Variants in SMYD3 observed in about 807,000 individuals in gnomAD.
SMYD3 encodes the protein histone-lysine N-methyltransferase SMYD3.
In SMYD3, 36 loss-of-function variants were observed where a neutral mutation model predicts 57.7. That is an observed-to-expected ratio of 0.62 (90% CI 0.48 to 0.82). SMYD3 has a LOEUF of 0.82. Among genes scored for constraint, SMYD3 ranks in the 40% least tolerant of loss-of-function variants. SMYD3 has a pLI of 0.00. For synonymous variants in SMYD3, 211 were observed against 195.0 expected (o/e 1.08, Z -0.68); for missense variants, 515 against 538.8 (o/e 0.96, Z 0.44).
At chr1:245,972,042 C>G (rs534368751) in intron 5 of SMYD3, among the ~76,000 whole-genome samples, 2 of 152,296 alleles carry the variant, frequency 1.3e-5, no homozygotes, top group South Asian at 2.1e-4. Flanking sequence ...TGATGCCTCA[C>G]TATAACTGAA....
chr1:246,496,193 C>T (rs936244966), intron 1 of SMYD3, among the ~76,000 whole-genome samples: 4 of 151,760 alleles, frequency 2.6e-5, no homozygotes, highest in South Asian at 2.1e-4. Flanking sequence ...CACACCACCA[C>T]GCCCGGCTAA....
intron 9 of SMYD3, among the ~76,000 whole-genome samples, chr1:245,860,792 C>A (rs182150865): frequency 6.6e-6 from 1 of 152,224 alleles, no homozygotes; most frequent in African/African-American, 2.4e-5. Context: ...GGCTAACCTC[C>A]GTGGCTTTTC....
At chr1:246,157,815 C>T (rs1194464786) in intron 5 of SMYD3, among the ~76,000 whole-genome samples, 1 of 152,182 alleles carries the variant, frequency 6.6e-6, no homozygotes, top group Non-Finnish European at 1.5e-5. Flanking sequence ...TCAAGTGCCA[C>T]AGAATCGCAA....
At chr1:246,257,299 C>T (rs2063913340) in intron 5 of SMYD3, among the ~76,000 whole-genome samples, 1 of 152,082 alleles carries the variant, frequency 6.6e-6, no homozygotes, top group Admixed American at 6.5e-5. Flanking sequence ...TAAGTCTTTT[C>T]CTAGGTCTTG....
At chr1:246,156,356 A>G (rs1443449766) in intron 5 of SMYD3, among the ~76,000 whole-genome samples, 1 of 151,682 alleles carries the variant, frequency 6.6e-6, no homozygotes, top group Non-Finnish European at 1.5e-5. Context: ...TTACCTGCAC[A>G]CAAAATTAAG....
chr1:246,162,891 A>C lies in SMYD3; in HGVS notation c.531+164310T>G, dbSNP rs112201558. ...CACAACCAACTTAATATATATCCTAAGTGGCTTAGAGGCTAAGTACATAAT... is the reference window on the plus strand; with the variant it reads ...CACAACCAACTTAATATATATCCTACGTGGCTTAGAGGCTAAGTACATAAT... On this transcript the variant is annotated intron_variant, in intron 5 of 11. Transcript: ENST00000490107. Among the ~76,000 whole-genome samples the C allele has an allele frequency of 1.6e-3, 243 of 152,318 alleles. 1 individual carries two copies. Among genetic ancestry groups the C allele is most frequent in the African/African-American group, 5.4e-3 (225 of 41,574 alleles).
chr1:246,241,287 A>G (rs2063604278), intron 5 of SMYD3, among the ~76,000 whole-genome samples: 1 of 152,208 alleles, frequency 6.6e-6, no homozygotes, highest in African/African-American at 2.4e-5. Context: ...GTTTATTGAG[A>G]ATTTTTAGCA....
At chr1:246,011,547 G>T (rs978004282) in intron 5 of SMYD3, among the ~76,000 whole-genome samples, 2 of 152,184 alleles carry the variant, frequency 1.3e-5, no homozygotes, top group Non-Finnish European at 2.9e-5. Flanking sequence ...CTAGACCACT[G>T]TCGATGCTGT....
At chr1:246,499,401 TACACACACAC>T (rs74163453) in intron 1 of SMYD3, among the ~76,000 whole-genome samples, 4 of 145,770 alleles carry the variant, frequency 2.7e-5, no homozygotes, top group Non-Finnish European at 4.6e-5. Context: ...CCATCAAATA[TACACACACAC>T]ACACACACAC....
intron 5 of SMYD3, among the ~76,000 whole-genome samples, chr1:246,070,899 G>C (rs2060431309): frequency 6.6e-6 from 1 of 152,152 alleles, no homozygotes; most frequent in South Asian, 2.1e-4. Context: ...TTATCTCTTA[G>C]TGGGGACAAA....
chr1:245,777,515 G>T (rs2046653916), intron 10 of SMYD3, among the ~76,000 whole-genome samples: 1 of 152,110 alleles, frequency 6.6e-6, no homozygotes, highest in African/African-American at 2.4e-5. Context: ...AGCCTTAGAA[G>T]GAATGAGACC....
At chr1:246,296,167 C>G (rs1210266538) in intron 5 of SMYD3, among the ~76,000 whole-genome samples, 2 of 152,174 alleles carry the variant, frequency 1.3e-5, no homozygotes, top group African/African-American at 2.4e-5. Flanking sequence ...ACTATGCAGA[C>G]AGAGAAACTT....
intron 5 of SMYD3, among the ~76,000 whole-genome samples, chr1:246,179,731 T>G (rs548049643): frequency 1.3e-5 from 2 of 152,214 alleles, no homozygotes; most frequent in Non-Finnish European, 2.9e-5. Context: ...GAAGGGATAC[T>G]ACATTTCATT....
intron 7 of SMYD3, among the ~76,000 whole-genome samples, chr1:245,921,509 C>G (rs1572695000): frequency 1.3e-5 from 2 of 148,584 alleles, no homozygotes; most frequent in African/African-American, 5.0e-5. Context: ...GAAATAGAAT[C>G]AACCTAAGTG....
intron 10 of SMYD3, among the ~76,000 whole-genome samples, chr1:245,816,596 G>C (rs1327607410): frequency 6.6e-6 from 1 of 151,690 alleles, no homozygotes; most frequent in Non-Finnish European, 1.5e-5. Context: ...CAGCGTGAGT[G>C]ACATAGAAGA....
chr1:246,507,279 TGCCGGGACCCGCGCGCCTGC>T, upstream of SMYD3: 1 of 1,415,804 alleles, frequency 7.1e-7, no homozygotes, highest in Non-Finnish European at 9.3e-7. Flanking sequence ...TCTCACGGGC[TGCCGGGACCCGCGCGCCTGC>T]GCCCTGCGCG....
intron 5 of SMYD3, among the ~76,000 whole-genome samples, chr1:246,316,846 T>C (rs1333218231): frequency 6.6e-6 from 1 of 150,776 alleles, no homozygotes; most frequent in African/African-American, 2.4e-5. Flanking sequence ...ATATAAAAAT[T>C]AGCTGGGCGT....
chr1:245,856,070 G>A (rs1050200605), intron 10 of SMYD3, among the ~76,000 whole-genome samples: 2 of 152,342 alleles, frequency 1.3e-5, no homozygotes, highest in Admixed American at 1.3e-4. Context: ...ATGCACATGT[G>A]AGAGGTGAAA....
chr1:245,970,648 G>C (rs896372280), intron 5 of SMYD3, among the ~76,000 whole-genome samples: 7 of 152,156 alleles, frequency 4.6e-5, no homozygotes, highest in African/African-American at 1.7e-4. Flanking sequence ...TGAAGGATAT[G>C]AACAGACACT....
Sources: gnomAD v4.1 joint callset for allele counts (sites outside exome capture counted in the v4.1 genomes callset) on GRCh38, gnomAD v4.1.1 for gene constraint, MANE v1.5 for transcripts, NCBI Gene and HGNC (gene_info 2026-07-23, HGNC 2026-07-21) for gene names.